The following P4HB variants were observed in gnomAD, a reference collection of about 807,000 sequenced individuals.
P4HB encodes prolyl 4-hydroxylase subunit beta, also known as protein disulfide-isomerase.
P4HB carries 20 observed loss-of-function variants against 52.6 expected under a neutral mutation model. The observed-to-expected ratio is 0.38, with a 90% CI of 0.27 to 0.55. P4HB has a LOEUF of 0.55. Among genes scored for constraint, P4HB ranks in the 20% least tolerant of loss-of-function variants. P4HB has a pLI of 0.74. For synonymous variants in P4HB, 296 were observed against 277.9 expected, an observed-to-expected ratio of 1.07 and a Z score of -0.65; for missense variants, 601 against 669.2, an observed-to-expected ratio of 0.90 and a Z score of 1.12.
At position 81,859,459 on chromosome 17, in the gene P4HB, C is replaced by A; in HGVS notation, c.146-72G>T. ...CAGCCTTGATCCCTCAGCAGTGCTT[C>A]CCTTTTTCCTCTGGCATTTCCCTTC... On this transcript the variant is annotated intron_variant, in intron 1 of 10. Coordinates refer to ENST00000331483, the MANE Select transcript of P4HB (RefSeq NM_000918.4). 3 of 1,312,654 alleles carry A rather than the reference C, an allele frequency of 2.3e-6. No homozygotes were observed. The South Asian group carries it at 3.6e-5, about 16-fold the overall frequency. The allele number at this position is 1,312,654 out of a possible 1,614,324, so 81.3% of individuals were successfully genotyped here.
intron 10 of P4HB, 135 bp downstream of exon 10, chr17:81,845,009 G>T: frequency 1.4e-6 from 1 of 723,778 alleles, no homozygotes; most frequent in Non-Finnish European, 2.3e-6. Flanking sequence ...GAAGGTGTGG[G>T]GCCCCAGAGC....
intron 4 of P4HB, among the ~76,000 whole-genome samples, chr17:81,854,839 CAAA>C (rs377026985): frequency 1.2e-5 from 1 of 80,104 alleles, no homozygotes. Flanking sequence ...AAGACTCTCC[CAAA>C]AAAAAAAAAA....
Position 81,855,047 on chromosome 17 carries a change from A to G in P4HB, c.624+95T>C. 7.9e-7 allele frequency: 1 copy of G among 1,265,352 alleles called. No individual in the cohort carries two copies. 78.4% of individuals were successfully genotyped at this position (1,265,352 alleles called of 1,614,324 possible). On this transcript the variant is annotated intron_variant, in intron 4 of 10. Transcript: ENST00000331483. This position sits in a 1 kb window ranked among gnomAD's most constrained non-coding sequence, Gnocchi z 4.3. The stretch of plus-strand genomic sequence containing the variant: ...ACATACCTATTGGGCCAAAGGTGCC[A>G]GGAGCAAGGTTCCCTTAACGATAAG...
At chr17:81,849,918 C>T (rs2038801730) in intron 4 of P4HB, among the ~76,000 whole-genome samples, 1 of 152,060 alleles carries the variant, frequency 6.6e-6, no homozygotes, top group Non-Finnish European at 1.5e-5. Flanking sequence ...ACCTCCACCT[C>T]CCGAGTTCCA....
intron 1 of P4HB, chr17:81,859,683 C>T (rs1272983745): frequency 4.4e-6 from 2 of 449,468 alleles, no homozygotes; most frequent in African/African-American, 2.0e-5. Context: ...TTATTCCCCA[C>T]AGGCAACTAA....
At chr17:81,851,426 C>A (rs1436473031) in intron 4 of P4HB, among the ~76,000 whole-genome samples, 1 of 152,256 alleles carries the variant, frequency 6.6e-6, no homozygotes, top group African/African-American at 2.4e-5. Context: ...GCACCAACCA[C>A]CCTGCCCGAA....
In P4HB at chr17:81,846,533, T is replaced by C. The variant is rs963068728; in HGVS notation, c.952A>G (p.Ile318Val). Residue 318 changes from isoleucine (I) to valine (V), a missense_variant, in exon 7 of 11, where the codon ATC becomes GTC. Physicochemically the swap from Ile to Val is conservative, Grantham distance 29 (BLOSUM62 3). Coordinates refer to ENST00000331483, the MANE Select transcript of P4HB (RefSeq NM_000918.4). This position sits in a 1 kb window ranked among gnomAD's most constrained non-coding sequence, Gnocchi z 5.7. ...KKEECPAVRL[I>V]TLEEEMTKYK... Reference sequence around the variant, plus strand: ...TTGGTCATCTCCTCCTCCAGGGTGATGAGGCGCACGGCCGGGCACTCTTCC... The same window carrying C: ...TTGGTCATCTCCTCCTCCAGGGTGACGAGGCGCACGGCCGGGCACTCTTCC... The C allele has an allele frequency of 1.2e-6, 2 of 1,613,984 alleles. No homozygotes were observed. The highest frequency in any genetic ancestry group is 3.3e-5 in the Admixed American group (2 of 60,022).
chr17:81,852,740 G>T (rs2038851616), intron 4 of P4HB, among the ~76,000 whole-genome samples: 1 of 152,264 alleles, frequency 6.6e-6, no homozygotes, highest in African/African-American at 2.4e-5. Flanking sequence ...AGCCTTTGCA[G>T]GCAAGAGCAA....
chr17:81,844,573 CAG>C lies in P4HB; in HGVS notation c.1447-483_1447-482del, dbSNP rs766672120. The stretch of plus-strand genomic sequence containing the variant: ...GCCGGCCCTCCATCCCCAGCCTGGG[CAG>C]AGTATTCCCACCTCCCACTGTGCAC... On this transcript the variant is annotated intron_variant, in intron 10 of 10. Coordinates refer to ENST00000331483, the MANE Select transcript of P4HB (RefSeq NM_000918.4). 3.3e-5 allele frequency among the ~76,000 whole-genome samples: 5 copies of C among 152,328 alleles called. 1 individual carries two copies. The highest frequency in any genetic ancestry group is 6.5e-5 in the Admixed American group (1 of 15,308).
In P4HB at chr17:81,846,796, G is replaced by C; in HGVS notation, c.855+151C>G. ...TGACTGGGAGCAGAGGTCTGGCCTGGCTGGCCCCTCGCCTACATCCAGGCT... is the reference window on the plus strand; with the variant it reads ...TGACTGGGAGCAGAGGTCTGGCCTGCCTGGCCCCTCGCCTACATCCAGGCT... On this transcript the variant is annotated intron_variant, in intron 6 of 10. Transcript: ENST00000331483. This position sits in a 1 kb window ranked among gnomAD's most constrained non-coding sequence, Gnocchi z 5.7. 8.2e-7 allele frequency: 1 copy of C among 1,226,342 alleles called. No homozygotes were observed. 76.0% of individuals were successfully genotyped at this position (1,226,342 alleles called of 1,614,324 possible). A position where few individuals can be genotyped will look rare whatever the true frequency, so the allele number is the denominator to read the frequency against.
At position 81,854,159 on chromosome 17, in the gene P4HB, G is replaced by A. The variant is rs140410759; in HGVS notation, c.624+983C>T. Among the ~76,000 whole-genome samples, 365 of 152,370 alleles carry A rather than the reference G, an allele frequency of 2.4e-3. 2 individuals are homozygous for A. Among genetic ancestry groups the A allele is most frequent in the African/African-American group, 8.2e-3 (340 of 41,594 alleles). On this transcript the variant is annotated intron_variant, in intron 4 of 10. Transcript: ENST00000331483. Reference sequence around the variant, plus strand: ...ACCTGGGTGGGAACACGCCCAGAGCGCCAATACTCCAGACCTCTGGGTAAG... The same window carrying A: ...ACCTGGGTGGGAACACGCCCAGAGCACCAATACTCCAGACCTCTGGGTAAG...
In P4HB at chr17:81,843,563, G is replaced by A. The variant is rs201028813; in HGVS notation, c.*449C>T. The A allele has an allele frequency of 1.6e-5, 7 of 430,164 alleles. No individual in the cohort carries two copies. The highest frequency in any genetic ancestry group is 2.0e-5 in the Non-Finnish European group (5 of 244,674). The allele number at this position is 430,164 out of a possible 1,614,324, so 26.6% of individuals were successfully genotyped here. A position where few individuals can be genotyped will look rare whatever the true frequency, so the allele number is the denominator to read the frequency against. On this transcript the variant is annotated 3_prime_UTR_variant, in exon 11 of 11. Transcript: ENST00000331483. ...GAGTGACCATGTCCAGTCCGGCTCC[G>A]TCCCTCCCACACGGGGGACAAGCTT...
Position 81,855,498 on chromosome 17 carries a change from C to T in P4HB, c.441G>A (p.Glu147=), listed in dbSNP as rs1380512864. ...ATTLPDGAAA[E]SLVESSEVAV... ...CCACCTCGCTGGACTCCACCAAGGA[C>T]TCTGCAGCTGCGCCGTCAGGCAGGG... The change falls in exon 3 of 11, where the codon GAG becomes GAA. Residue 147 remains glutamate (E), a synonymous_variant. Coordinates refer to ENST00000331483, the MANE Select transcript of P4HB (RefSeq NM_000918.4). This position sits in a 1 kb window ranked among gnomAD's most constrained non-coding sequence, Gnocchi z 4.3. 27 of 1,614,004 alleles carry T rather than the reference C, an allele frequency of 1.7e-5. No individual in the cohort carries two copies. The highest frequency in any genetic ancestry group is 2.1e-5 in the Non-Finnish European group (25 of 1,180,018).
chr17:81,860,107 G>T, intron 1 of P4HB: 1 of 403,098 alleles, frequency 2.5e-6, no homozygotes, highest in Non-Finnish European at 4.4e-6. Context: ...GGAAGATCCT[G>T]CCGTGCGCAG....
Position 81,843,386 on chromosome 17 carries a change from A to T in P4HB, c.*626T>A. 1 of 394,844 alleles carries T rather than the reference A, an allele frequency of 2.5e-6. No homozygotes were observed. The highest frequency in any genetic ancestry group is 4.4e-5 in the Admixed American group (1 of 22,652). 24.5% of individuals were successfully genotyped at this position (394,844 alleles called of 1,614,324 possible). ...GGAGGAGGAGCCCTGGCTTGAGGGA[A>T]GGGGAAGGCCCAGGCCTGTGCCGGG... On this transcript the variant is annotated 3_prime_UTR_variant, in exon 11 of 11. Coordinates refer to ENST00000331483, the MANE Select transcript of P4HB (RefSeq NM_000918.4).
intron 4 of P4HB, among the ~76,000 whole-genome samples, chr17:81,854,516 TGGGC>T (rs1042441534): frequency 2.1e-4 from 30 of 139,574 alleles, no homozygotes; most frequent in African/African-American, 8.2e-4. Context: ...CACTCCAGCC[TGGGC>T]GGCAGAGTGA....
chr17:81,849,532 C>T (rs934968196), intron 4 of P4HB, among the ~76,000 whole-genome samples: 3 of 152,046 alleles, frequency 2.0e-5, no homozygotes, highest in South Asian at 4.2e-4. Flanking sequence ...GAGAAAAAAA[C>T]GATTTTTTAC....
chr17:81,844,021 A>C lies in P4HB; in HGVS notation c.1518T>G (p.Asp506Glu). 6.2e-7 allele frequency: 1 copy of C among 1,613,064 alleles called. No individual in the cohort carries two copies. Among genetic ancestry groups the C allele is most frequent in the Non-Finnish European group, 8.5e-7 (1 of 1,179,106 alleles). ...EEDDDQKAVK[D>E]EL The stretch of plus-strand genomic sequence containing the variant: ...GGTCTGGCTTTGCGTATTACAGTTC[A>C]TCTTTCACAGCTTTCTGATCATCGT... The change falls in exon 11 of 11, where the codon GAT becomes GAG. Residue 506 changes from aspartate to glutamate, a missense_variant. Coordinates refer to ENST00000331483, the MANE Select transcript of P4HB (RefSeq NM_000918.4).
At chr17:81,850,415 T>C (rs4796848) in intron 4 of P4HB, among the ~76,000 whole-genome samples, 34,702 of 149,968 alleles carry the variant, frequency 0.23, 4,227 homozygotes, top group Admixed American at 0.3. Flanking sequence ...GAATTACAGG[T>C]GTGAGCCACT....
Sources: allele counts gnomAD v4.1 joint callset (sites outside exome capture counted in the v4.1 genomes callset), GRCh38; gene constraint gnomAD v4.1.1; non-coding constraint Gnocchi (gnomAD v3.1); transcripts MANE v1.5; gene names NCBI Gene and HGNC (gene_info 2026-07-23, HGNC 2026-07-21).